The following POM121 variants were observed in gnomAD, a reference collection of about 807,000 sequenced individuals.
The protein encoded by POM121 is POM121 transmembrane nucleoporin.
POM121 carries 32 observed loss-of-function variants against 81.3 expected under a neutral mutation model. The ratio of observed to expected loss-of-function variants is 0.39; its 90% confidence interval spans 0.30 to 0.53. The LOEUF (loss-of-function observed/expected upper bound fraction) is 0.53. Ranked by LOEUF, POM121 falls within the 20% of genes least tolerant of loss-of-function variation. The pLI, the probability that POM121 is intolerant of heterozygous loss-of-function variation, is 0.66. For synonymous variants in POM121, 514 were observed against 694.2 expected, an observed-to-expected ratio of 0.74 and a Z score of 4.08; for missense variants, 1,138 against 1,614.6, an observed-to-expected ratio of 0.70 and a Z score of 5.06.
At chr7:72,907,503 A>T (rs1216784176) in intron 3 of POM121, among the ~76,000 whole-genome samples, 1 of 149,140 alleles carries the variant, frequency 6.7e-6, no homozygotes, top group African/African-American at 2.5e-5. Context: ...ATCTTTCTGG[A>T]TTTTTCTTCA....
At chr7:72,927,903 G>A (rs1194997611) in intron 3 of POM121, among the ~76,000 whole-genome samples, 3 of 152,136 alleles carry the variant, frequency 2.0e-5, no homozygotes, top group African/African-American at 7.2e-5. Context: ...TGGGACTCTT[G>A]AGGGAAACAC....
At chr7:72,931,067 G>A (rs113733546) in intron 5 of POM121, among the ~76,000 whole-genome samples, 32 of 152,172 alleles carry the variant, frequency 2.1e-4, no homozygotes, top group African/African-American at 7.5e-4. Flanking sequence ...ATTTTGAGAC[G>A]AGTTCATCAG....
intron 1 of POM121, among the ~76,000 whole-genome samples, chr7:72,886,053 T>A (rs1790670437): frequency 6.6e-6 from 1 of 152,172 alleles, no homozygotes; most frequent in African/African-American, 2.4e-5. Context: ...AATAGGACAC[T>A]TCCATTTCTC....
At chr7:72,936,460 G>A (rs1283515187) in intron 5 of POM121, among the ~76,000 whole-genome samples, 4 of 151,848 alleles carry the variant, frequency 2.6e-5, no homozygotes, top group Non-Finnish European at 2.9e-5. Flanking sequence ...TGTATTTTTA[G>A]TAGAGACGGG....
chr7:72,916,547 C>T (rs1400963232), intron 4 of POM121, among the ~76,000 whole-genome samples: 3 of 152,150 alleles, frequency 2.0e-5, no homozygotes, highest in African/African-American at 7.2e-5. Flanking sequence ...GTACCAGTAC[C>T]ATGCTGTTTT....
chr7:72,944,202 T>C (rs1797427759), intron 11 of POM121, among the ~76,000 whole-genome samples: 1 of 150,800 alleles, frequency 6.6e-6, no homozygotes, highest in Non-Finnish European at 1.5e-5. Flanking sequence ...GCTAAAGCAG[T>C]GGTGTGGAAG....
rs1482611398 is a variant in POM121, at chr7:72,946,704, C to G, written c.*470C>G. On this transcript the variant is annotated 3_prime_UTR_variant, in exon 13 of 13. Transcript: ENST00000434423. ...CTTGGCTTAGCTGTGAGAAGTGGTTCTCTTCCTCTGGTCCCTTCTGGGGAC... is the reference window on the plus strand; with the variant it reads ...CTTGGCTTAGCTGTGAGAAGTGGTTGTCTTCCTCTGGTCCCTTCTGGGGAC... 1.3e-5 allele frequency: 13 copies of G among 971,916 alleles called. No homozygotes were observed. The Admixed American group carries it at 7.7e-4, about 58-fold the overall frequency. 60.2% of individuals were successfully genotyped at this position (971,916 alleles called of 1,614,324 possible).
chr7:72,894,629 G>GAGAGAGAGAGAGAA (rs1475368133), intron 3 of POM121, among the ~76,000 whole-genome samples: 237 of 11,896 alleles, frequency 0.02, 30 homozygotes, highest in African/African-American at 0.028. Context: ...AGAGAGAGGA[G>GAGAGAGAGAGAGAA]AGAGAGAGAG....
intron 3 of POM121, among the ~76,000 whole-genome samples, chr7:72,927,986 G>A (rs1345443842): frequency 1.3e-5 from 2 of 152,010 alleles, no homozygotes; most frequent in African/African-American, 4.8e-5. Context: ...TGGGAGGATC[G>A]CTGGAGCCCA....
At chr7:72,880,810 C>T (rs6947935) in intron 1 of POM121, among the ~76,000 whole-genome samples, 11,033 of 146,190 alleles carry the variant, frequency 0.075, 1,331 homozygotes, top group African/African-American at 0.27. Context: ...GGATGGAGCC[C>T]AGGAGGTCGA....
At position 72,917,729 on chromosome 7, in the gene POM121, G is replaced by T. The variant is rs563718170; in HGVS notation, c.-152+3901G>T. 3.9e-5 allele frequency among the ~76,000 whole-genome samples: 6 copies of T among 152,340 alleles called. No individual in the cohort carries two copies. In the South Asian group the frequency reaches 1.2e-3, roughly 32 times the overall value. On this transcript the variant is annotated intron_variant, in intron 4 of 15. Coordinates refer to the POM121 transcript ENST00000395270. ...TGGGCTTCTCCCTGTGTGCAGCGAT[G>T]AGAGAGTGTAGAAAGAAAGACACAA...
intron 3 of POM121, among the ~76,000 whole-genome samples, chr7:72,927,759 A>G (rs1386329294): frequency 6.6e-6 from 1 of 152,182 alleles, no homozygotes; most frequent in African/African-American, 2.4e-5. Context: ...AAAATGGAAT[A>G]AATAAATAGT....
Position 72,946,304 on chromosome 7 carries a change from C to G in POM121, c.*70C>G. 6.4e-7 allele frequency: 1 copy of G among 1,570,998 alleles called. No individual in the cohort carries two copies. Among genetic ancestry groups the G allele is most frequent in the South Asian group, 1.2e-5 (1 of 86,570 alleles). On this transcript the variant is annotated 3_prime_UTR_variant, in exon 13 of 13. Transcript: ENST00000434423. ...GGACCTTGGCACCTGCTAGGAAGAG[C>G]CTTGGACCCTTCCAGTTGCGTAAAG...
At chr7:72,948,401 G>A (rs145850957), downstream of POM121, 1 of 1,613,248 alleles carries the variant, frequency 6.2e-7, no homozygotes, top group African/African-American at 1.3e-5. Flanking sequence ...GCAAACTGCT[G>A]CCTGCGGTGA....
chr7:72,921,221 C>T (rs1794793618), upstream of POM121, among the ~76,000 whole-genome samples: 1 of 152,002 alleles, frequency 6.6e-6, no homozygotes, highest in South Asian at 2.1e-4. Context: ...GAAAAGACTA[C>T]CTCATCCAGA....
chr7:72,936,924 G>A (rs1288700262), intron 5 of POM121, among the ~76,000 whole-genome samples: 1 of 152,164 alleles, frequency 6.6e-6, no homozygotes, highest in African/African-American at 2.4e-5. Flanking sequence ...TAGGATTACA[G>A]GTGTGAGCCA....
chr7:72,928,246 T>A (rs1242110777), intron 3 of POM121, 139 bp from the exon 4 acceptor site: 95 of 1,279,424 alleles, frequency 7.4e-5, no homozygotes, highest in Non-Finnish European at 9.7e-5. Context: ...AGCTTAGGGA[T>A]TTTAAACAAC....
At chr7:72,891,844 G>A (rs1479372983) in intron 3 of POM121, among the ~76,000 whole-genome samples, 1 of 152,054 alleles carries the variant, frequency 6.6e-6, no homozygotes, top group Admixed American at 6.6e-5. Context: ...TTCTGCCCTC[G>A]ATTTTATTTA....
intron 3 of POM121, among the ~76,000 whole-genome samples, chr7:72,912,735 C>T (rs1198069847): frequency 6.6e-6 from 1 of 152,118 alleles, no homozygotes; most frequent in African/African-American, 2.4e-5. Flanking sequence ...GCCGAGATCG[C>T]GCCACTGTAC....
Sources: gnomAD v4.1 joint callset for allele counts (sites outside exome capture counted in the v4.1 genomes callset) on GRCh38, gnomAD v4.1.1 for gene constraint, MANE v1.5 for transcripts, NCBI Gene and HGNC (gene_info 2026-07-23, HGNC 2026-07-21) for gene names.